Variants in PHACTR2 observed in about 807,000 individuals in gnomAD.
PHACTR2 encodes the protein chromosome 6 open reading frame 56.
In PHACTR2, 30 loss-of-function variants were observed where a neutral mutation model predicts 76.0. The ratio of observed to expected loss-of-function variants is 0.39; its 90% CI spans 0.30 to 0.54. The LOEUF (loss-of-function observed/expected upper bound fraction) is 0.54. Among genes scored for constraint, PHACTR2 ranks in the 20% least tolerant of loss-of-function variants. The pLI is 0.61. For synonymous variants in PHACTR2, 292 were observed against 292.5 expected, an observed-to-expected ratio of 1.00 and a Z score of 0.02; for missense variants, 696 against 781.1, an observed-to-expected ratio of 0.89 and a Z score of 1.30.
intron 1 of PHACTR2, among the ~76,000 whole-genome samples, chr6:143,692,604 C>A (rs542308189): frequency 2.6e-5 from 4 of 152,172 alleles, no homozygotes; most frequent in Non-Finnish European, 4.4e-5. Context: ...AGTCATCCAA[C>A]CACAGAATGT....
intron 2 of PHACTR2, among the ~76,000 whole-genome samples, chr6:143,718,363 C>G (rs1011130510): frequency 5.9e-5 from 9 of 152,198 alleles, no homozygotes; most frequent in Admixed American, 5.2e-4. Flanking sequence ...GGGGCTAGAA[C>G]ATTCAGATGA....
At position 143,771,206 on chromosome 6, in the gene PHACTR2, A is replaced by G. The variant is rs1406177445; in HGVS notation, c.1233-1052A>G. Among the ~76,000 whole-genome samples, 281 of 77,124 alleles carry G rather than the reference A, an allele frequency of 3.6e-3. 14 individuals carry two copies. The highest frequency in any genetic ancestry group is 0.014 in the African/African-American group (199 of 14,090). The allele number at this position is 77,124 out of a possible 152,430, so 50.6% of individuals were successfully genotyped here. ...TATATATATGTGTGTATATATATAT[A>G]TATATATATATATATATATATATAT... is the stretch of plus-strand genomic sequence containing the variant. On this transcript the variant is annotated intron_variant, in intron 6 of 12. Transcript: ENST00000440869.
intron 10 of PHACTR2, among the ~76,000 whole-genome samples, chr6:143,788,361 T>G (rs1775600480): frequency 6.6e-6 from 1 of 152,210 alleles, no homozygotes; most frequent in African/African-American, 2.4e-5. Context: ...AGGAACAGGT[T>G]TTTATTCCCA....
In PHACTR2 at chr6:143,702,359, G is replaced by A. The variant is rs183257569; in HGVS notation, c.47-9657G>A. ...CTTGACCTTGTGATCTGCCCGCCTC[G>A]TCCTCCCAAAGTGCTGGGATTACAG... is the stretch of plus-strand genomic sequence containing the variant. On this transcript the variant is annotated intron_variant, in intron 1 of 12. Coordinates refer to ENST00000440869, the MANE Select transcript of PHACTR2 (RefSeq NM_001100164.2). Among the ~76,000 whole-genome samples the A allele has an allele frequency of 6.3e-4, 96 of 152,138 alleles. 1 individual carries two copies. Among genetic ancestry groups the A allele is most frequent in the Admixed American group, 5.3e-3 (81 of 15,280 alleles).
In PHACTR2 at chr6:143,807,115, A is replaced by C. The variant is rs766978991; in HGVS notation, c.1904A>C (p.Glu635Ala). 3 of 1,604,870 alleles carry C rather than the reference A, an allele frequency of 1.9e-6. No individual in the cohort carries two copies. Among genetic ancestry groups the C allele is most frequent in the Non-Finnish European group, 2.6e-6 (3 of 1,172,298 alleles). ...FKSTEMEVHEESRQFTRFHRP is the reference protein window; with the variant it reads ...FKSTEMEVHEASRQFTRFHRP ...AGCACAGAAATGGAAGTTCATGAAG[A>C]GAGTCGACAGTTTACAAGGTAGGTG... The change falls in exon 12 of 13, where the codon GAG (glutamate) becomes GCG (alanine). Residue 635 changes from glutamate (E) to alanine (A), a missense_variant. By Grantham distance (107) the Glu-to-Ala change is moderately radical. This residue lies in a region of PHACTR2 where 236 missense variants were observed against 330.2 expected (regional missense o/e 0.71). Transcript: ENST00000440869. This position sits in a 1 kb window ranked among gnomAD's most constrained non-coding sequence, Gnocchi z 5.5.
intron 1 of PHACTR2, among the ~76,000 whole-genome samples, chr6:143,552,451 A>G (rs1319871277): frequency 1.3e-5 from 2 of 152,220 alleles, no homozygotes; most frequent in African/African-American, 2.4e-5. Flanking sequence ...GCAGGGAAGC[A>G]GGGAAATAAC....
Position 143,599,446 on chromosome 6 carries a change from T to G in PHACTR2, c.217+62239T>G, listed in dbSNP as rs578078595. ...GGTCATGTATTTATTCTAGAAACAA[T>G]TGTTGAGTACTCAGTAGTGTTCTGG... On this transcript the variant is annotated intron_variant, in intron 1 of 11. Coordinates refer to the PHACTR2 transcript ENST00000367584. This position sits in a 1 kb window ranked among gnomAD's most constrained non-coding sequence, Gnocchi z 4.6. Among the ~76,000 whole-genome samples the G allele has an allele frequency of 6.6e-6, 1 of 152,312 alleles. No homozygotes were observed. Among genetic ancestry groups the G allele is most frequent in the East Asian group, 1.9e-4 (1 of 5,178 alleles).
upstream of PHACTR2, among the ~76,000 whole-genome samples, chr6:143,677,257 A>G (rs906721467): frequency 6.6e-6 from 1 of 151,350 alleles, no homozygotes; most frequent in African/African-American, 2.4e-5. Context: ...ACTTATACTA[A>G]TTAATCATTA....
At position 143,729,926 on chromosome 6, in the gene PHACTR2, T is replaced by C. The variant is rs180875243; in HGVS notation, c.214+17743T>C. On this transcript the variant is annotated intron_variant, in intron 2 of 12. Transcript: ENST00000440869. ...TCATGTGTAAGAAATTTCAACAGCATTTGTTGAAACGACTATTACCTTTGC... is the reference window on the plus strand; with the variant it reads ...TCATGTGTAAGAAATTTCAACAGCACTTGTTGAAACGACTATTACCTTTGC... Among the ~76,000 whole-genome samples, 349 of 152,282 alleles carry C rather than the reference T, an allele frequency of 2.3e-3. 1 individual carries two copies. Among genetic ancestry groups the C allele is most frequent in the Non-Finnish European group, 3.8e-3 (259 of 67,990 alleles).
At chr6:143,704,095 C>CTGTGTGTGTGTGTGTGTCTG (rs1777984013) in intron 1 of PHACTR2, among the ~76,000 whole-genome samples, 7 of 144,128 alleles carry the variant, frequency 4.9e-5, no homozygotes, top group Admixed American at 3.5e-4. Context: ...GTGTGTGTGT[C>CTGTGTGTGTGTGTGTGTCTG]TGTGTGTGTG....
rs1475041425 is a variant in PHACTR2, at chr6:143,827,171, T to C, written c.*3482T>C. The C allele has an allele frequency of 9.9e-6, 1 of 100,924 alleles. No individual in the cohort carries two copies. The highest frequency in any genetic ancestry group is 2.1e-5 in the Non-Finnish European group (1 of 48,648). The allele number at this position is 100,924 out of a possible 1,614,324, so 6.3% of individuals were successfully genotyped here. A position where few individuals can be genotyped will look rare whatever the true frequency, so the allele number is the denominator to read the frequency against. ...AAAAAAGAAAATATATATATATATA[T>C]ATATATATATATATATATATATATA... On this transcript the variant is annotated 3_prime_UTR_variant, in exon 13 of 13. Coordinates refer to ENST00000440869, the MANE Select transcript of PHACTR2 (RefSeq NM_001100164.2).
At chr6:143,552,711 C>T (rs1775109372) in intron 1 of PHACTR2, among the ~76,000 whole-genome samples, 1 of 151,968 alleles carries the variant, frequency 6.6e-6, no homozygotes, top group African/African-American at 2.4e-5. Flanking sequence ...TGAGACTAGC[C>T]TGGCCAACAT....
Position 143,788,862 on chromosome 6 carries a change from T to C in PHACTR2, c.1797T>C (p.Tyr599=), listed in dbSNP as rs1269807884. 1 of 1,613,842 alleles carries C rather than the reference T, an allele frequency of 6.2e-7. No individual in the cohort carries two copies. ...TAGAAGTCACGGATTCTCCTGACTA[T>C]GACCGCCGAGCAGACAAGCCCTGGG... The part of the protein sequence containing the change: ...EYVEVTDSPD[Y]DRRADKPWAR... Residue 599 remains tyrosine, a synonymous_variant, in exon 11 of 13, where the codon TAT becomes TAC. Transcript: ENST00000440869.
intron 9 of PHACTR2, among the ~76,000 whole-genome samples, chr6:143,778,398 G>T (rs1045588539): frequency 1.3e-4 from 20 of 151,882 alleles, no homozygotes; most frequent in African/African-American, 4.6e-4. Context: ...CAATGAAAAT[G>T]AACTACCATC....
rs1175976025 is a variant in PHACTR2, at chr6:143,823,565, GA to G, written c.1923-108del. ...TTTGTAAACAGTAATTCAGTTGGGG[GA>G]TATCTGGGGTACCTTTTCATTGTAA... is the stretch of plus-strand genomic sequence containing the variant. On this transcript the variant is annotated intron_variant, in intron 12 of 12. Transcript: ENST00000440869. The surrounding 1 kb of genome is among the most constrained non-coding windows in gnomAD (Gnocchi z 5.7). The G allele has an allele frequency of 1.4e-6, 1 of 722,356 alleles. No individual in the cohort carries two copies. The highest frequency in any genetic ancestry group is 2.0e-5 in the Admixed American group (1 of 49,864). 44.7% of individuals were successfully genotyped at this position (722,356 alleles called of 1,614,324 possible).
Position 143,678,047 on chromosome 6 carries a change from C to T in PHACTR2, c.-117C>T. 2 of 1,521,634 alleles carry T rather than the reference C, an allele frequency of 1.3e-6. No homozygotes were observed. Among genetic ancestry groups the T allele is most frequent in the Non-Finnish European group, 1.8e-6 (2 of 1,131,522 alleles). The allele number at this position is 1,521,634 out of a possible 1,614,324, so 94.3% of individuals were successfully genotyped here. On this transcript the variant is annotated 5_prime_UTR_variant, in exon 1 of 13. Coordinates refer to ENST00000440869, the MANE Select transcript of PHACTR2 (RefSeq NM_001100164.2). This position sits in a 1 kb window ranked among gnomAD's most constrained non-coding sequence, Gnocchi z 6.2. ...CGGGGTAGAAGGTGAGGGGACCCGG[C>T]GGGCCGCTCGGCACAGGCCGGGACA...
At position 143,561,500 on chromosome 6, in the gene PHACTR2, G is replaced by A. The variant is rs9496667; in HGVS notation, c.217+24293G>A. On this transcript the variant is annotated intron_variant, in intron 1 of 11. Coordinates refer to the PHACTR2 transcript ENST00000367584. The surrounding 1 kb of genome is among the most constrained non-coding windows in gnomAD (Gnocchi z 4.1). ...GAGGAAGGCGTTGCAAGGTTAATAC[G>A]GGCTGGTATACAGGGTTGCTGTGGG... 3.3e-5 allele frequency: 5 copies of A among 152,330 alleles called. No individual in the cohort carries two copies. The highest frequency in any genetic ancestry group is 7.3e-5 in the Non-Finnish European group (5 of 68,138). 9.4% of individuals were successfully genotyped at this position (152,330 alleles called of 1,614,324 possible).
rs1776772943 is a variant in PHACTR2 at position 143,652,084 on chromosome 6, C to T, written c.13+43762C>T. ...GTTTAAGCAAAAAAAAAAAAAAAGG[C>T]CGGTAAACACTGGTGATTCTGCTTT... On this transcript the variant is annotated intron_variant, in intron 1 of 11. Coordinates refer to the PHACTR2 transcript ENST00000305766. The surrounding 1 kb of genome is among the most constrained non-coding windows in gnomAD (Gnocchi z 4.5). Among the ~76,000 whole-genome samples the T allele has an allele frequency of 6.7e-6, 1 of 148,548 alleles. No individual in the cohort carries two copies.
Position 143,621,610 on chromosome 6 carries a change from A to C in PHACTR2, c.13+13288A>C, listed in dbSNP as rs1250803935. On this transcript the variant is annotated intron_variant, in intron 1 of 11. Transcript: ENST00000305766. The surrounding 1 kb of genome is among the most constrained non-coding windows in gnomAD (Gnocchi z 4.1). ...AGTGTGGGATTGTGCAAAGGAATGGAATTAGAGTTGTAAAAGAAGAATGCA... is the reference window on the plus strand; with the variant it reads ...AGTGTGGGATTGTGCAAAGGAATGGCATTAGAGTTGTAAAAGAAGAATGCA... Among the ~76,000 whole-genome samples, 2 of 152,212 alleles carry C rather than the reference A, an allele frequency of 1.3e-5. No homozygotes were observed. The highest frequency in any genetic ancestry group is 2.9e-5 in the Non-Finnish European group (2 of 68,044).
Sources: allele counts gnomAD v4.1 joint callset (sites outside exome capture counted in the v4.1 genomes callset), GRCh38; gene constraint gnomAD v4.1.1; regional missense constraint gnomAD v4.1.1; non-coding constraint Gnocchi (gnomAD v3.1); transcripts MANE v1.5; gene names NCBI Gene and HGNC (gene_info 2026-07-23, HGNC 2026-07-21).